WASF1: variants seen among roughly 807,000 people sequenced by gnomAD.
WASF1 encodes the protein WASP family member 1.
WASF1 carries 7 observed loss-of-function variants against 50.5 expected under a neutral mutation model. The ratio of observed to expected loss-of-function variants is 0.14; its 90% CI spans 0.08 to 0.26. WASF1 has a LOEUF of 0.26. Among genes scored for constraint, WASF1 ranks in the 10% least tolerant of loss-of-function variants. The pLI, the probability that WASF1 is intolerant of heterozygous loss-of-function variation, is 1.00. For missense variants in WASF1, 470 were observed against 694.7 expected (o/e 0.68, Z 3.64); for synonymous variants, 205 against 244.0 (o/e 0.84, Z 1.49).
intron 3 of WASF1, among the ~76,000 whole-genome samples, chr6:110,147,595 T>G (rs1244500134): frequency 6.6e-6 from 1 of 152,190 alleles, no homozygotes; most frequent in East Asian, 1.9e-4. Flanking sequence ...TATAGTCATC[T>G]TAGTAATAAA....
At chr6:110,136,895 A>G (rs1414347503) in intron 3 of WASF1, among the ~76,000 whole-genome samples, 1 of 152,150 alleles carries the variant, frequency 6.6e-6, no homozygotes, top group Non-Finnish European at 1.5e-5. Context: ...CTGATCCCCC[A>G]GTCTCAATGA....
At chr6:110,162,494 A>G (rs2114605305) in intron 2 of WASF1, among the ~76,000 whole-genome samples, 1 of 151,480 alleles carries the variant, frequency 6.6e-6, no homozygotes, top group South Asian at 2.1e-4. Context: ...TCATTAACAA[A>G]AATGCAAAAA....
chr6:110,145,237 C>G (rs1487486273), intron 3 of WASF1, among the ~76,000 whole-genome samples: 1 of 152,120 alleles, frequency 6.6e-6, no homozygotes, highest in Admixed American at 6.5e-5. Flanking sequence ...AATGGGAGTT[C>G]AGTCATGATT....
intron 3 of WASF1, among the ~76,000 whole-genome samples, chr6:110,150,958 A>G (rs1775796293): frequency 6.6e-6 from 1 of 152,128 alleles, no homozygotes. Context: ...AATCACTTGA[A>G]CCCAGGAGGC....
chr6:110,130,604 T>A (rs142706855), intron 3 of WASF1, among the ~76,000 whole-genome samples: 3 of 152,352 alleles, frequency 2.0e-5, no homozygotes, highest in African/African-American at 7.2e-5. Flanking sequence ...CACTACAATT[T>A]ATTTACCCAT....
intron 2 of WASF1, among the ~76,000 whole-genome samples, chr6:110,167,987 G>A (rs1039115090): frequency 6.6e-5 from 10 of 151,796 alleles, no homozygotes; most frequent in Admixed American, 3.9e-4. Context: ...TTTTGTCTAC[G>A]GTCCTAGTTC....
chr6:110,145,380 A>G (rs1334984606), intron 3 of WASF1, among the ~76,000 whole-genome samples: 1 of 152,170 alleles, frequency 6.6e-6, no homozygotes, highest in African/African-American at 2.4e-5. Context: ...GGGGTTTTCT[A>G]GATATACAAT....
chr6:110,131,677 G>A (rs1774677890), intron 3 of WASF1, among the ~76,000 whole-genome samples: 1 of 152,034 alleles, frequency 6.6e-6, no homozygotes, highest in Non-Finnish European at 1.5e-5. Context: ...CTAATTTTGT[G>A]TATTTTTAGG....
intron 3 of WASF1, among the ~76,000 whole-genome samples, chr6:110,144,422 A>G (rs1775433968): frequency 1.3e-5 from 2 of 151,774 alleles, no homozygotes; most frequent in South Asian, 4.2e-4. Flanking sequence ...TTGCCTGTTC[A>G]CTCTGATGGT....
chr6:110,126,311 A>G (rs1321760863), intron 4 of WASF1, among the ~76,000 whole-genome samples: 2 of 152,172 alleles, frequency 1.3e-5, no homozygotes, highest in African/African-American at 4.8e-5. Context: ...TGATTCACTA[A>G]CCTGAAAAAA....
chr6:110,152,779 T>C (rs1376582405), intron 3 of WASF1, among the ~76,000 whole-genome samples: 1 of 152,214 alleles, frequency 6.6e-6, no homozygotes, highest in Non-Finnish European at 1.5e-5. Context: ...CGTTAAGCAG[T>C]GATAGAAAAC....
chr6:110,114,917 C>T (rs1773728994), intron 4 of WASF1, among the ~76,000 whole-genome samples: 1 of 151,508 alleles, frequency 6.6e-6, no homozygotes, highest in South Asian at 2.1e-4. Context: ...CATGGTGAAA[C>T]CCCGTCTCAA....
intron 3 of WASF1, among the ~76,000 whole-genome samples, chr6:110,136,757 T>A (rs1320957671): frequency 6.6e-6 from 1 of 152,222 alleles, no homozygotes; most frequent in African/African-American, 2.4e-5. Flanking sequence ...GCTTTATTTT[T>A]CTTTAACTTA....
At chr6:110,158,918 G>A (rs1776144639) in intron 3 of WASF1, among the ~76,000 whole-genome samples, 1 of 151,806 alleles carries the variant, frequency 6.6e-6, no homozygotes, top group South Asian at 2.1e-4. Context: ...TCCTTCCTCT[G>A]AATTCAGAGT....
At chr6:110,100,749 G>A in intron 10 of WASF1, 70 bp from the exon 11 acceptor site, 2 of 1,353,922 alleles carry the variant, frequency 1.5e-6, no homozygotes, top group South Asian at 1.9e-5. Flanking sequence ...AATATTTCTG[G>A]AATAAAATCA....
Position 110,170,832 on chromosome 6 carries a change from G to A in WASF1, c.-127+7766C>T, listed in dbSNP as rs1015219174. 2.6e-5 allele frequency among the ~76,000 whole-genome samples: 4 copies of A among 152,166 alleles called. No individual in the cohort carries two copies. In the South Asian group the frequency reaches 8.3e-4, roughly 32 times the overall value. ...TGAGACAAAGTAGGTTTCTGAGCGA[G>A]GGAAATTAACAGGGATAAAGATAGG... On this transcript the variant is annotated intron_variant, in intron 2 of 10. Transcript: ENST00000392589.
At chr6:110,138,042 T>A (rs1583981793) in intron 3 of WASF1, among the ~76,000 whole-genome samples, 1 of 152,312 alleles carries the variant, frequency 6.6e-6, no homozygotes, top group East Asian at 1.9e-4. Flanking sequence ...CAGCTCATAC[T>A]ACCAGCCTGG....
chr6:110,119,160 G>A lies in WASF1; in HGVS notation c.134-5700C>T, dbSNP rs548641314. 6.4e-4 allele frequency among the ~76,000 whole-genome samples: 97 copies of A among 152,066 alleles called. 4 individuals are homozygous for A. The highest frequency in any genetic ancestry group is 9.7e-4 in the East Asian group (5 of 5,168). On this transcript the variant is annotated intron_variant, in intron 4 of 10. Coordinates refer to ENST00000392589, the MANE Select transcript of WASF1 (RefSeq NM_003931.3). ...TAGAGAAGCAAGAGCAAACATGTTC[G>A]AAAGCTAGCAGAAGGCAAGAGATAA... is the stretch of plus-strand genomic sequence containing the variant.
chr6:110,103,804 C>T (rs750759855), intron 8 of WASF1, among the ~76,000 whole-genome samples: 4 of 152,118 alleles, frequency 2.6e-5, no homozygotes, highest in Non-Finnish European at 1.5e-5. Flanking sequence ...TATTTTATAA[C>T]AGAATACTAA....
Sources: gnomAD v4.1 joint callset for allele counts (sites outside exome capture counted in the v4.1 genomes callset) on GRCh38, gnomAD v4.1.1 for gene constraint, MANE v1.5 for transcripts, NCBI Gene and HGNC (gene_info 2026-07-23, HGNC 2026-07-21) for gene names.